PPA2: variants seen among roughly 807,000 people sequenced by gnomAD.
PPA2 encodes the protein inorganic pyrophosphatase 2, mitochondrial.
Under a neutral mutation model 49.5 loss-of-function variants are expected in PPA2, and 48 were observed. The ratio of observed to expected loss-of-function variants is 0.97; its 90% CI spans 0.77 to 1.23. PPA2 has a LOEUF of 1.23. Ranked by LOEUF, PPA2 falls within the 50% of genes most tolerant of loss-of-function variation. The probability of loss-of-function intolerance (pLI) is 0.00; values close to 1 mark genes in which losing one functional copy is unlikely to be tolerated. For synonymous variants in PPA2, 131 were observed against 139.9 expected (o/e 0.94, Z 0.45); for missense variants, 429 against 410.1 (o/e 1.05, Z -0.40).
chr4:105,372,769 A>T lies in PPA2; in HGVS notation c.940-1896T>A, dbSNP rs561582759. Among the ~76,000 whole-genome samples the T allele has an allele frequency of 3.3e-5, 5 of 152,314 alleles. No homozygotes were observed. The East Asian group carries it at 7.7e-4, about 24-fold the overall frequency. On this transcript the variant is annotated intron_variant, in intron 10 of 11. Transcript: ENST00000341695. ...CTGCAAATTTTGGACTTGCCAAGCCACTATAATCATGTAAGCCAATTCCTT... is the reference window on the plus strand; with the variant it reads ...CTGCAAATTTTGGACTTGCCAAGCCTCTATAATCATGTAAGCCAATTCCTT...
rs539986942 is a variant in PPA2, at chr4:105,427,225, A to T, written c.529-2903T>A. Reference sequence around the variant, plus strand: ...CAACATCAAAGACCAAAGGTAGATAAAACCACAAAATGGGGAGAAACCAGA... The same window carrying T: ...CAACATCAAAGACCAAAGGTAGATATAACCACAAAATGGGGAGAAACCAGA... On this transcript the variant is annotated intron_variant, in intron 6 of 11. Coordinates refer to ENST00000341695, the MANE Select transcript of PPA2 (RefSeq NM_176869.3). Among the ~76,000 whole-genome samples, 3 of 152,326 alleles carry T rather than the reference A, an allele frequency of 2.0e-5. No homozygotes were observed. In the East Asian group the frequency reaches 5.8e-4, roughly 29 times the overall value.
At chr4:105,431,781 A>G (rs115081976) in intron 6 of PPA2, among the ~76,000 whole-genome samples, 2,399 of 152,322 alleles carry the variant, frequency 0.016, 56 homozygotes, top group African/African-American at 0.055. Context: ...ACATGCTACA[A>G]CATGGATGAA....
intron 3 of PPA2, among the ~76,000 whole-genome samples, chr4:105,451,604 T>C (rs1386356527): frequency 2.0e-5 from 3 of 152,216 alleles, no homozygotes; most frequent in Non-Finnish European, 1.5e-5. Flanking sequence ...ACATAATTTA[T>C]TCATCCCTGA....
chr4:105,427,744 G>A (rs1300122590), intron 6 of PPA2, among the ~76,000 whole-genome samples: 1 of 152,186 alleles, frequency 6.6e-6, no homozygotes, highest in Non-Finnish European at 1.5e-5. Context: ...GAAAGTGATG[G>A]GGAGAATGGA....
chr4:105,433,092 T>C (rs1430816824), intron 6 of PPA2, among the ~76,000 whole-genome samples: 1 of 152,192 alleles, frequency 6.6e-6, no homozygotes, highest in Non-Finnish European at 1.5e-5. Flanking sequence ...TTTGGGTTCC[T>C]AAAGGAAATC....
chr4:105,411,210 G>A (rs1227139618), intron 7 of PPA2, among the ~76,000 whole-genome samples: 1 of 152,050 alleles, frequency 6.6e-6, no homozygotes, highest in East Asian at 1.9e-4. Flanking sequence ...AATAAAGGAT[G>A]GAGGAAGATC....
chr4:105,373,482 C>T (rs1733110622), intron 10 of PPA2, among the ~76,000 whole-genome samples: 1 of 151,920 alleles, frequency 6.6e-6, no homozygotes, highest in African/African-American at 2.4e-5. Context: ...CTCAAATTAG[C>T]TGTTTAGATT....
intron 5 of PPA2, among the ~76,000 whole-genome samples, chr4:105,438,928 C>T (rs1724202648): frequency 6.6e-6 from 1 of 151,960 alleles, no homozygotes; most frequent in African/African-American, 2.4e-5. Context: ...AACTTATTTA[C>T]AGCTAAGCAT....
At chr4:105,373,555 TAC>T (rs1015566838) in intron 10 of PPA2, among the ~76,000 whole-genome samples, 5 of 152,172 alleles carry the variant, frequency 3.3e-5, no homozygotes, top group African/African-American at 1.2e-4. Context: ...GAATAAAATG[TAC>T]AGTGTATAAA....
At chr4:105,445,124 C>T (rs539188781) in intron 5 of PPA2, among the ~76,000 whole-genome samples, 1 of 152,312 alleles carries the variant, frequency 6.6e-6, no homozygotes, top group South Asian at 2.1e-4. Context: ...CTGCCTAGCA[C>T]ATAAATCCTT....
intron 2 of PPA2, among the ~76,000 whole-genome samples, chr4:105,454,680 G>A (rs1394122422): frequency 1.3e-5 from 2 of 152,118 alleles, no homozygotes; most frequent in East Asian, 1.9e-4. Flanking sequence ...CAAAGCACGA[G>A]TTTTAATCAT....
chr4:105,473,918 A>G lies in PPA2; in HGVS notation c.133T>C (p.Ser45Pro). 1.9e-6 allele frequency: 3 copies of G among 1,604,758 alleles called. No homozygotes were observed. Among genetic ancestry groups the G allele is most frequent in the Non-Finnish European group, 2.6e-6 (3 of 1,174,294 alleles). The change falls in exon 1 of 12, where the codon TCG (serine) becomes CCG (proline). Residue 45 changes from serine (S) to proline (P), a missense_variant. Coordinates refer to ENST00000341695, the MANE Select transcript of PPA2 (RefSeq NM_176869.3). ...YHTEERGQPCSQNYRLFFKNV... is the reference protein window; with the variant it reads ...YHTEERGQPCPQNYRLFFKNV... ...CTAAAGAAGAGGCGGTAATTCTGCG[A>G]GCAGGGCTGGCCGCGCTCCTCAGTG...
At chr4:105,377,516 GA>G (rs1375089652) in intron 10 of PPA2, among the ~76,000 whole-genome samples, 2 of 151,226 alleles carry the variant, frequency 1.3e-5, no homozygotes, top group Non-Finnish European at 3.0e-5. Flanking sequence ...TCTGACTTCA[GA>G]AAAAAAAATT....
intron 7 of PPA2, among the ~76,000 whole-genome samples, chr4:105,418,616 A>G (rs1723114653): frequency 6.6e-6 from 1 of 152,242 alleles, no homozygotes; most frequent in East Asian, 1.9e-4. Context: ...ATCTATATCA[A>G]TATAACTATT....
intron 4 of PPA2, among the ~76,000 whole-genome samples, chr4:105,447,811 G>A (rs1379229829): frequency 6.7e-6 from 1 of 149,452 alleles, no homozygotes; most frequent in Non-Finnish European, 1.5e-5. Flanking sequence ...TCAGCTCACT[G>A]CAACCTCTGC....
At chr4:105,403,137 C>T (rs1172284391) in intron 7 of PPA2, among the ~76,000 whole-genome samples, 1 of 152,066 alleles carries the variant, frequency 6.6e-6, no homozygotes. Flanking sequence ...AATTCATCCA[C>T]TTTCGATTTC....
intron 10 of PPA2, among the ~76,000 whole-genome samples, chr4:105,378,644 C>G (rs1733354736): frequency 6.6e-6 from 1 of 152,036 alleles, no homozygotes; most frequent in Non-Finnish European, 1.5e-5. Flanking sequence ...GGTGTCATAT[C>G]TAAGAAATAC....
At chr4:105,402,596 C>G (rs370155548) in intron 7 of PPA2, among the ~76,000 whole-genome samples, 2 of 152,058 alleles carry the variant, frequency 1.3e-5, no homozygotes, top group Non-Finnish European at 2.9e-5. Flanking sequence ...TTAGGAGATA[C>G]GATTAGAGAA....
chr4:105,373,864 T>C (rs1733130505), intron 10 of PPA2, among the ~76,000 whole-genome samples: 2 of 152,032 alleles, frequency 1.3e-5, no homozygotes, highest in South Asian at 4.1e-4. Context: ...AAAAATACCA[T>C]ATTAAAAGAG....
Sources: gnomAD v4.1 joint callset for allele counts (sites outside exome capture counted in the v4.1 genomes callset) on GRCh38, gnomAD v4.1.1 for gene constraint, MANE v1.5 for transcripts, NCBI Gene and HGNC (gene_info 2026-07-23, HGNC 2026-07-21) for gene names.